RANBP9: variants seen among roughly 807,000 people sequenced by gnomAD.
RANBP9 encodes ran-binding protein 9.
RANBP9 carries 15 observed loss-of-function variants against 84.3 expected under a neutral mutation model. The observed-to-expected ratio is 0.18, with a 90% CI of 0.12 to 0.27. The LOEUF (loss-of-function observed/expected upper bound fraction) is 0.27. Ranked by LOEUF, RANBP9 falls within the 10% of genes least tolerant of loss-of-function variation. The pLI, the probability that RANBP9 is intolerant of heterozygous loss-of-function variation, is 1.00. For synonymous variants in RANBP9, 392 were observed against 349.6 expected (o/e 1.12, Z -1.35); for missense variants, 809 against 912.8 (o/e 0.89, Z 1.46).
chr6:13,690,244 T>C (rs965807242), intron 2 of RANBP9, among the ~76,000 whole-genome samples: 18 of 152,224 alleles, frequency 1.2e-4, no homozygotes, highest in African/African-American at 3.9e-4. Flanking sequence ...AATAATTTCT[T>C]ATCCCCACTC....
chr6:13,657,297 T>C (rs901629410), intron 3 of RANBP9, 21 bp from the exon 4 acceptor site: 5 of 1,596,810 alleles, frequency 3.1e-6, no homozygotes, highest in Non-Finnish European at 4.3e-6. Context: ...AGTTCCGGCA[T>C]ATTTACAATG....
intron 2 of RANBP9, among the ~76,000 whole-genome samples, chr6:13,673,220 T>C (rs1765814676): frequency 6.6e-6 from 1 of 152,182 alleles, no homozygotes; most frequent in Non-Finnish European, 1.5e-5. Flanking sequence ...TCAGAAATCA[T>C]GTAAGCAAGA....
chr6:13,639,618 A>G lies in RANBP9; in HGVS notation c.1470T>C (p.His490=), dbSNP rs1288135318. 6.2e-7 allele frequency: 1 copy of G among 1,613,038 alleles called. No individual in the cohort carries two copies. The highest frequency in any genetic ancestry group is 1.3e-5 in the African/African-American group (1 of 74,912). Reference sequence around the variant, plus strand: ...ATGCTAAATTGTGGATATTCATTCCATGGCTGGGGCTCATACTTGGACTAC... The same window carrying G: ...ATGCTAAATTGTGGATATTCATTCCGTGGCTGGGGCTCATACTTGGACTAC... ...PFSSPSMSPS[H]GMNIHNLASG... The change falls in exon 9 of 14, where the codon CAT becomes CAC. Residue 490 remains histidine, a synonymous_variant. Coordinates refer to ENST00000011619, the MANE Select transcript of RANBP9 (RefSeq NM_005493.3).
In RANBP9 at chr6:13,670,614, G is replaced by A. The variant is rs140244554; in HGVS notation, c.684-11782C>T. 4.3e-4 allele frequency among the ~76,000 whole-genome samples: 65 copies of A among 151,920 alleles called. No homozygotes were observed. In the East Asian group the frequency reaches 0.012, roughly 28 times the overall value. On this transcript the variant is annotated intron_variant, in intron 2 of 13. Transcript: ENST00000011619. ...GATCGAGACCATCCTGGCTAACACG[G>A]TGAAACCCCGTCTCTACCAAAAATA...
intron 10 of RANBP9, among the ~76,000 whole-genome samples, chr6:13,635,263 CAATG>C (rs1271191275): frequency 1.3e-5 from 2 of 152,144 alleles, no homozygotes; most frequent in Non-Finnish European, 2.9e-5. Context: ...TCATTCCACT[CAATG>C]AATATCTATC....
chr6:13,668,899 G>GA (rs1297045623), intron 2 of RANBP9, among the ~76,000 whole-genome samples: 2 of 151,990 alleles, frequency 1.3e-5, no homozygotes, highest in Non-Finnish European at 2.9e-5. Context: ...AAGAGGGCAA[G>GA]AAAAAGACAT....
At chr6:13,654,206 T>C (rs764762040) in intron 4 of RANBP9, among the ~76,000 whole-genome samples, 5 of 152,158 alleles carry the variant, frequency 3.3e-5, no homozygotes, top group Admixed American at 6.5e-5. Context: ...AACATGTTTT[T>C]GCTCAATCAG....
intron 5 of RANBP9, among the ~76,000 whole-genome samples, chr6:13,648,141 GTTTTT>G (rs375219477): frequency 5.0e-5 from 4 of 80,672 alleles, no homozygotes; most frequent in African/African-American, 9.5e-5. Context: ...TATATGACTG[GTTTTT>G]TTTTTTTTTT....
chr6:13,652,846 T>G (rs546942334), intron 4 of RANBP9, among the ~76,000 whole-genome samples, 165 bp from the exon 5 acceptor site: 1 of 152,188 alleles, frequency 6.6e-6, no homozygotes, highest in African/African-American at 2.4e-5. Context: ...TACTAACATA[T>G]GTCTGAGTGA....
At chr6:13,627,611 CAGAG>C (rs923901738) in intron 12 of RANBP9, among the ~76,000 whole-genome samples, 8 of 117,622 alleles carry the variant, frequency 6.8e-5, no homozygotes, top group African/African-American at 2.4e-4. Flanking sequence ...GCATGGACGA[CAGAG>C]AGAGACTCCA....
rs538797211 is a variant in RANBP9 at position 13,711,711 on chromosome 6, G to A, written c.-206C>T. ...AGGCGGCGGGCCCGGGAGGCCGGGA[G>A]AGAACGTTGGCCGGAGCGCGGGCGC... On this transcript the variant is annotated 5_prime_UTR_variant, in exon 1 of 14. Coordinates refer to ENST00000011619, the MANE Select transcript of RANBP9 (RefSeq NM_005493.3). 9.6e-6 allele frequency: 3 copies of A among 311,704 alleles called. No homozygotes were observed. Among genetic ancestry groups the A allele is most frequent in the East Asian group, 6.1e-5 (1 of 16,370 alleles). 19.3% of individuals were successfully genotyped at this position (311,704 alleles called of 1,614,324 possible). A position where few individuals can be genotyped will look rare whatever the true frequency, so the allele number is the denominator to read the frequency against.
At chr6:13,706,208 G>C (rs957920775) in intron 1 of RANBP9, among the ~76,000 whole-genome samples, 1 of 152,072 alleles carries the variant, frequency 6.6e-6, no homozygotes, top group African/African-American at 2.4e-5. Context: ...GCCGGGCGTC[G>C]CGGCGGGCAC....
At chr6:13,693,270 C>T (rs1407342175) in intron 2 of RANBP9, among the ~76,000 whole-genome samples, 2 of 151,970 alleles carry the variant, frequency 1.3e-5, no homozygotes, top group East Asian at 1.9e-4. Flanking sequence ...CCAAATGGTA[C>T]CTTATAGGTG....
intron 11 of RANBP9, 116 bp downstream of exon 11, chr6:13,634,315 C>T (rs1764877542): frequency 1.6e-6 from 2 of 1,274,430 alleles, no homozygotes; most frequent in Non-Finnish European, 2.2e-6. Context: ...TCAAGTCCTA[C>T]AGCACATACA....
intron 1 of RANBP9, among the ~76,000 whole-genome samples, chr6:13,705,009 T>G (rs1208068871): frequency 2.6e-5 from 4 of 152,144 alleles, no homozygotes; most frequent in Non-Finnish European, 5.9e-5. Context: ...CACCTCTGAG[T>G]GTCCAGAACC....
intron 2 of RANBP9, among the ~76,000 whole-genome samples, chr6:13,687,724 G>C (rs1400580401): frequency 6.6e-6 from 1 of 152,076 alleles, no homozygotes; most frequent in Non-Finnish European, 1.5e-5. Flanking sequence ...CCACCACACA[G>C]ATTAAACCCT....
intron 2 of RANBP9, among the ~76,000 whole-genome samples, chr6:13,662,615 A>G (rs1765558334): frequency 6.6e-6 from 1 of 152,176 alleles, no homozygotes; most frequent in African/African-American, 2.4e-5. Context: ...CCCTTCTGCC[A>G]TGTAAGGACA....
chr6:13,639,507 G>A, intron 9 of RANBP9, 56 bp downstream of exon 9: 2 of 1,508,526 alleles, frequency 1.3e-6, no homozygotes, highest in Non-Finnish European at 1.8e-6. Flanking sequence ...AAAGGAAAAA[G>A]GTTTAAGATT....
Position 13,657,277 on chromosome 6 carries a change from C to T in RANBP9, c.737-1G>A. 1 of 1,608,498 alleles carries T rather than the reference C, an allele frequency of 6.2e-7. No individual in the cohort carries two copies. Among genetic ancestry groups the T allele is most frequent in the Non-Finnish European group, 8.5e-7 (1 of 1,177,146 alleles). ...TAACCATATGAATGCTTATCCCAACCTAAGGAGAAAGTTCCGGCATATTTA... is the reference window on the plus strand; with the variant it reads ...TAACCATATGAATGCTTATCCCAACTTAAGGAGAAAGTTCCGGCATATTTA... On this transcript the variant is annotated splice_acceptor_variant, in intron 3 of 13. Transcript: ENST00000011619. LOFTEE classifies it high-confidence loss of function.
Sources: allele counts gnomAD v4.1 joint callset (sites outside exome capture counted in the v4.1 genomes callset), GRCh38; gene constraint gnomAD v4.1.1; transcripts MANE v1.5; gene names NCBI Gene and HGNC (gene_info 2026-07-23, HGNC 2026-07-21).